The following HS2ST1 variants were observed in gnomAD, a reference collection of about 807,000 sequenced individuals.
HS2ST1 encodes the protein heparan sulfate 2-O-sulfotransferase 1.
A neutral mutation model predicts 42.9 loss-of-function variants in HS2ST1; 18 were observed. The observed-to-expected ratio is 0.42, with a 90% CI of 0.29 to 0.62. HS2ST1 has a LOEUF of 0.62. Ranked by LOEUF, HS2ST1 falls within the 20% of genes least tolerant of loss-of-function variation. HS2ST1 has a pLI of 0.21. For missense variants in HS2ST1, 334 were observed against 433.8 expected, an observed-to-expected ratio of 0.77 and a Z score of 2.04; for synonymous variants, 146 against 152.9, an observed-to-expected ratio of 0.95 and a Z score of 0.33.
chr1:86,915,159 A>C lies in HS2ST1; in HGVS notation c.123A>C (p.Leu41=). 2 of 1,613,144 alleles carry C rather than the reference A, an allele frequency of 1.2e-6. No individual in the cohort carries two copies. The highest frequency in any genetic ancestry group is 8.5e-7 in the Non-Finnish European group (1 of 1,179,394). ...IQKLEESRSK[L]ERAIARHEVR... ...AACTGGAGGAGTCCCGCTCGAAGCT[A>C]GGTGAGGAACTGAACTGCCCCGGGC... The change falls in exon 1 of 7, where the codon CTA becomes CTC. Residue 41 remains leucine, a splice_region_variant and synonymous_variant. Coordinates refer to ENST00000370550, the MANE Select transcript of HS2ST1 (RefSeq NM_012262.4).
At chr1:87,092,422 TC>T in intron 3 of HS2ST1, 108 bp from the exon 4 acceptor site, 1 of 558,700 alleles carries the variant, frequency 1.8e-6, no homozygotes, top group East Asian at 3.4e-5. Context: ...TAATTCATGT[TC>T]TTTTTTCCTT....
intron 3 of HS2ST1, among the ~76,000 whole-genome samples, chr1:87,087,089 A>G (rs900695477): frequency 6.6e-6 from 1 of 152,090 alleles, no homozygotes. Flanking sequence ...AAGTTTTATT[A>G]TAAACAGTAA....
intron 1 of HS2ST1, among the ~76,000 whole-genome samples, chr1:87,029,902 T>G (rs186415929): frequency 1.2e-4 from 18 of 152,320 alleles, no homozygotes; most frequent in African/African-American, 1.7e-4. Context: ...TAGAATTGAG[T>G]ATGACTCTAT....
intron 1 of HS2ST1, among the ~76,000 whole-genome samples, chr1:87,042,922 A>G (rs1376303507): frequency 1.3e-5 from 2 of 152,136 alleles, no homozygotes; most frequent in Non-Finnish European, 1.5e-5. Flanking sequence ...TTAAATGACT[A>G]CATGCTTCCT....
chr1:87,056,472 A>G (rs1032785936), intron 1 of HS2ST1, among the ~76,000 whole-genome samples: 3 of 152,208 alleles, frequency 2.0e-5, no homozygotes, highest in African/African-American at 7.2e-5. Context: ...CACTGTTTTT[A>G]CTTGAAAGAA....
At chr1:86,981,687 G>A (rs955983824) in intron 1 of HS2ST1, among the ~76,000 whole-genome samples, 3 of 152,238 alleles carry the variant, frequency 2.0e-5, no homozygotes, top group South Asian at 2.1e-4. Context: ...AGGCTCCCAC[G>A]GCCTTGGGCA....
chr1:86,942,120 A>G (rs1660776521), intron 1 of HS2ST1, among the ~76,000 whole-genome samples: 1 of 152,228 alleles, frequency 6.6e-6, no homozygotes, highest in Admixed American at 6.5e-5. Context: ...AACCTAGGCT[A>G]TAAGGAGACA....
rs1283152001 is a variant in HS2ST1 at position 87,048,557 on chromosome 1, G to GCA, written c.125-24377_125-24376insCA. ...ACAGATATCCTTTTATTAGTTTGAG[G>GCA]AAGTTCCCTTCTATTCCCAGTTTGC... On this transcript the variant is annotated intron_variant, in intron 1 of 6. Coordinates refer to ENST00000370550, the MANE Select transcript of HS2ST1 (RefSeq NM_012262.4). Among the ~76,000 whole-genome samples, 147 of 152,040 alleles carry GCA rather than the reference G, an allele frequency of 9.7e-4. 1 individual carries two copies. The highest frequency in any genetic ancestry group is 3.4e-3 in the African/African-American group (142 of 41,438).
chr1:86,990,836 ATTTTTTTT>A (rs55739816), intron 1 of HS2ST1, among the ~76,000 whole-genome samples: 32 of 44,216 alleles, frequency 7.2e-4, no homozygotes, highest in African/African-American at 1.7e-3. Flanking sequence ...ATATATATAT[ATTTTTTTT>A]TTTTTTTTTT....
intron 4 of HS2ST1, among the ~76,000 whole-genome samples, chr1:87,094,525 G>A (rs1015249786): frequency 2.6e-5 from 4 of 152,010 alleles, no homozygotes; most frequent in African/African-American, 4.8e-5. Flanking sequence ...TATTTTGCAC[G>A]GTGTCATTCA....
At chr1:86,976,416 A>T (rs1648400491) in intron 1 of HS2ST1, among the ~76,000 whole-genome samples, 1 of 152,144 alleles carries the variant, frequency 6.6e-6, no homozygotes. Flanking sequence ...TATTAGGACA[A>T]TGCTGAATGC....
chr1:86,956,454 T>C (rs747938786), intron 1 of HS2ST1: 1 of 152,228 alleles, frequency 6.6e-6, no homozygotes, highest in African/African-American at 2.4e-5. Context: ...GCTGGAAAGA[T>C]AGCTTAAAAC....
intron 1 of HS2ST1, among the ~76,000 whole-genome samples, chr1:86,974,227 C>T (rs1557500248): frequency 6.6e-6 from 1 of 152,070 alleles, no homozygotes; most frequent in Non-Finnish European, 1.5e-5. Context: ...AAATTTCAGC[C>T]CCACTCCCAT....
chr1:86,974,872 C>A (rs1247372327), intron 1 of HS2ST1, among the ~76,000 whole-genome samples: 2 of 152,098 alleles, frequency 1.3e-5, no homozygotes, highest in Admixed American at 1.3e-4. Flanking sequence ...TAAGTAGATT[C>A]CAAACTCAGG....
chr1:87,020,176 C>G (rs1247236620), intron 1 of HS2ST1, among the ~76,000 whole-genome samples: 1 of 151,984 alleles, frequency 6.6e-6, no homozygotes, highest in African/African-American at 2.4e-5. Flanking sequence ...AAAAACAAAC[C>G]CCTTTATCAC....
At chr1:87,064,285 A>G (rs540511805) in intron 1 of HS2ST1, among the ~76,000 whole-genome samples, 3 of 152,334 alleles carry the variant, frequency 2.0e-5, no homozygotes, top group African/African-American at 7.2e-5. Context: ...TGAGGCATAA[A>G]TAAAACTTAG....
At chr1:87,020,219 T>C (rs2100586746) in intron 1 of HS2ST1, among the ~76,000 whole-genome samples, 1 of 152,342 alleles carries the variant, frequency 6.6e-6, no homozygotes, top group South Asian at 2.1e-4. Context: ...TCTTGTTGGC[T>C]CTAAAGTTGA....
chr1:86,978,418 A>G (rs1033861325), intron 1 of HS2ST1, among the ~76,000 whole-genome samples: 1 of 152,214 alleles, frequency 6.6e-6, no homozygotes, highest in Non-Finnish European at 1.5e-5. Flanking sequence ...GTTTTACTCA[A>G]AAAGGGAATA....
intron 1 of HS2ST1, among the ~76,000 whole-genome samples, chr1:86,995,568 A>T (rs1044517446): frequency 1.1e-4 from 16 of 151,910 alleles, no homozygotes; most frequent in Non-Finnish European, 1.6e-4. Flanking sequence ...AGGAAATGAA[A>T]TTTTTTTTCT....
Sources: gnomAD v4.1 joint callset for allele counts (sites outside exome capture counted in the v4.1 genomes callset) on GRCh38, gnomAD v4.1.1 for gene constraint, MANE v1.5 for transcripts, NCBI Gene and HGNC (gene_info 2026-07-23, HGNC 2026-07-21) for gene names.